Variants in ANK3 observed in about 807,000 individuals in gnomAD.
The protein encoded by ANK3 is ankyrin-3.
ANK3 carries 57 observed loss-of-function variants against 370.9 expected under a neutral mutation model. The ratio of observed to expected loss-of-function variants is 0.15; its 90% confidence interval spans 0.12 to 0.19. ANK3 has a LOEUF of 0.19. Ranked by LOEUF, ANK3 falls within the 10% of genes least tolerant of loss-of-function variation. The pLI is 1.00. For synonymous variants in ANK3, 1,929 were observed against 1,946.3 expected (o/e 0.99, Z 0.23); for missense variants, 4,439 against 5,302.1 (o/e 0.84, Z 5.06).
intron 14 of ANK3, 60 bp from the exon 15 acceptor site, chr10:60,196,685 C>T: frequency 9.1e-7 from 1 of 1,098,642 alleles, no homozygotes; most frequent in Non-Finnish European, 1.3e-6. Context: ...AAAACACACA[C>T]AAAACCCAAA....
chr10:60,534,312 G>A (rs926538715), intron 2 of ANK3, among the ~76,000 whole-genome samples: 5 of 152,036 alleles, frequency 3.3e-5, no homozygotes, highest in African/African-American at 9.7e-5. Flanking sequence ...TTGCTTCTGC[G>A]CCTCAGCCTT....
At chr10:60,306,645 T>G (rs1474296368) in intron 1 of ANK3, among the ~76,000 whole-genome samples, 1 of 152,148 alleles carries the variant, frequency 6.6e-6, no homozygotes, top group Non-Finnish European at 1.5e-5. Context: ...TTAAGGAATC[T>G]CCATACTGTT....
chr10:60,157,886 A>AATAG (rs2095385622), intron 23 of ANK3, among the ~76,000 whole-genome samples: 1 of 132,770 alleles, frequency 7.5e-6, no homozygotes, highest in East Asian at 2.4e-4. Context: ...GAGAGAGAAA[A>AATAG]AGAGAGAGAG....
chr10:60,074,882 G>T lies in ANK3; in HGVS notation c.5999C>A (p.Ala2000Asp). The change falls in exon 37 of 44, where the codon GCC becomes GAC. Residue 2000 changes from alanine to aspartate, a missense_variant. Transcript: ENST00000280772. ...IEFSSEEIREARQQAAASQSP... is the reference protein window; with the variant it reads ...IEFSSEEIREDRQQAAASQSP... ...CTGGCTCGCAGCAGCTTGTTGTCTG[G>T]CTTCCCGGATTTCTTCCGAACTAAA... 1 of 1,613,802 alleles carries T rather than the reference G, an allele frequency of 6.2e-7. No individual in the cohort carries two copies. Among genetic ancestry groups the T allele is most frequent in the Non-Finnish European group, 8.5e-7 (1 of 1,179,944 alleles).
Position 60,470,406 on chromosome 10 carries a change from G to A in ANK3, c.96+144780C>T, listed in dbSNP as rs567078437. ...GCAAGTCAACATTTTCTGCCATCAT[G>A]CAGTACTTTGCATTTTCCAATAATA... is the stretch of plus-strand genomic sequence containing the variant. On this transcript the variant is annotated intron_variant, in intron 2 of 43. Transcript: ENST00000373827. Among the ~76,000 whole-genome samples the A allele has an allele frequency of 1.1e-4, 16 of 152,102 alleles. No individual in the cohort carries two copies. The South Asian group carries it at 1.7e-3, about 16-fold the overall frequency.
intron 40 of ANK3, 96 bp downstream of exon 40, chr10:60,063,015 A>T: frequency 3.2e-6 from 4 of 1,258,748 alleles, no homozygotes; most frequent in Non-Finnish European, 3.2e-6. Context: ...AGTCAAGCAA[A>T]TCACAGTTTA....
intron 2 of ANK3, among the ~76,000 whole-genome samples, chr10:60,436,066 C>T (rs866910574): frequency 1.4e-5 from 2 of 145,578 alleles, no homozygotes; most frequent in South Asian, 2.2e-4. Flanking sequence ...CCCGCCTGGG[C>T]GACAAGAACG....
Position 60,186,916 on chromosome 10 carries a change from T to C in ANK3, c.1888-4A>G. On this transcript the variant is annotated splice_polypyrimidine_tract_variant and splice_region_variant and intron_variant, in intron 16 of 43. Transcript: ENST00000280772. ...TGTGCAGTGGCGTATAACCATTCTG[T>C]CAACACAAATCACTTGGTCACATGC... 6.2e-7 allele frequency: 1 copy of C among 1,613,896 alleles called. No individual in the cohort carries two copies. The highest frequency in any genetic ancestry group is 1.3e-5 in the African/African-American group (1 of 75,024).
At chr10:60,516,658 A>G (rs572501493) in intron 2 of ANK3, among the ~76,000 whole-genome samples, 5 of 152,246 alleles carry the variant, frequency 3.3e-5, no homozygotes, top group Admixed American at 6.5e-5. Context: ...GTGAGCTCCT[A>G]TGATCCCAGT....
At chr10:60,264,273 A>G (rs2097847976) in intron 5 of ANK3, among the ~76,000 whole-genome samples, 1 of 152,184 alleles carries the variant, frequency 6.6e-6, no homozygotes, top group African/African-American at 2.4e-5. Flanking sequence ...AAATTAATAT[A>G]CATTAATTGG....
At chr10:60,334,403 C>A (rs565966589) in intron 1 of ANK3, among the ~76,000 whole-genome samples, 1 of 152,096 alleles carries the variant, frequency 6.6e-6, no homozygotes, top group African/African-American at 2.4e-5. Context: ...TATTTACTAC[C>A]GTGGTTAAAA....
intron 1 of ANK3, among the ~76,000 whole-genome samples, chr10:60,324,576 T>G (rs186362132): frequency 6.6e-6 from 1 of 152,318 alleles, no homozygotes; most frequent in Admixed American, 6.5e-5. Context: ...GCAATCCCTC[T>G]AGAACATTTG....
At chr10:60,683,344 CT>C (rs1262327147) in intron 1 of ANK3, among the ~76,000 whole-genome samples, 4 of 152,144 alleles carry the variant, frequency 2.6e-5, no homozygotes, top group African/African-American at 9.7e-5. Context: ...CAGTTATCAA[CT>C]TTGAGCAAGC....
intron 1 of ANK3, among the ~76,000 whole-genome samples, chr10:60,350,188 T>C (rs2056555848): frequency 6.6e-6 from 1 of 152,204 alleles, no homozygotes. Context: ...TAGATATCTA[T>C]AATATGCATA....
intron 1 of ANK3, among the ~76,000 whole-genome samples, chr10:60,639,609 T>C (rs2165690): frequency 0.68 from 102,534 of 151,556 alleles, 34,831 homozygotes; most frequent in South Asian, 0.82. Flanking sequence ...TGTTGTAAGA[T>C]TCTTACATGG....
chr10:60,137,124 T>C (rs1373083427), intron 24 of ANK3, among the ~76,000 whole-genome samples: 1 of 152,062 alleles, frequency 6.6e-6, no homozygotes, highest in Non-Finnish European at 1.5e-5. Context: ...TCCTTAAGTA[T>C]CTGGTAAATT....
At chr10:60,296,827 A>G (rs1448920084) in intron 1 of ANK3, among the ~76,000 whole-genome samples, 1 of 152,078 alleles carries the variant, frequency 6.6e-6, no homozygotes, top group Non-Finnish European at 1.5e-5. Flanking sequence ...AAATATTTTA[A>G]AAATTAGCTG....
intron 2 of ANK3, among the ~76,000 whole-genome samples, chr10:60,510,120 CTT>C (rs1250363448): frequency 6.6e-6 from 1 of 151,900 alleles, no homozygotes; most frequent in African/African-American, 2.4e-5. Context: ...TATCAAATAA[CTT>C]TTTATTTTTG....
At chr10:60,224,431 C>G (rs995236310) in intron 8 of ANK3, among the ~76,000 whole-genome samples, 3 of 152,046 alleles carry the variant, frequency 2.0e-5, no homozygotes, top group African/African-American at 7.3e-5. Context: ...AGAGCAAATC[C>G]TTGTACATGC....
Sources: allele counts gnomAD v4.1 joint callset (sites outside exome capture counted in the v4.1 genomes callset), GRCh38; gene constraint gnomAD v4.1.1; transcripts MANE v1.5; gene names NCBI Gene and HGNC (gene_info 2026-07-23, HGNC 2026-07-21).